The following MTCL1 variants were observed in gnomAD, a reference collection of about 807,000 sequenced individuals.
MTCL1 encodes the protein microtubule cross-linking factor 1.
In MTCL1, 79 loss-of-function variants were observed where a neutral mutation model predicts 141.4. The ratio of observed to expected loss-of-function variants is 0.56; its 90% confidence interval spans 0.47 to 0.67. The LOEUF (loss-of-function observed/expected upper bound fraction) is 0.67. Among genes scored for constraint, MTCL1 ranks in the 30% least tolerant of loss-of-function variants. MTCL1 has a pLI of 0.00. For synonymous variants in MTCL1, 914 were observed against 875.8 expected, an observed-to-expected ratio of 1.04 and a Z score of -0.77; for missense variants, 2,177 against 2,113.9, an observed-to-expected ratio of 1.03 and a Z score of -0.59.
At chr18:8,751,923 C>T (rs2096373714) in intron 4 of MTCL1, among the ~76,000 whole-genome samples, 1 of 152,182 alleles carries the variant, frequency 6.6e-6, no homozygotes, top group Non-Finnish European at 1.5e-5. Flanking sequence ...CGTTTAAGGC[C>T]AAGCTGCTGC....
exon 6 of MTCL1, chr18:8,784,020 C>T (rs529045761): frequency 2.1e-5 from 34 of 1,613,554 alleles, no homozygotes; most frequent in Non-Finnish European, 2.9e-5. Context: ...CGGCAACTGA[C>T]CCACGAGCTC....
At chr18:8,775,590 A>T (rs548813018) in intron 4 of MTCL1, among the ~76,000 whole-genome samples, 1 of 152,126 alleles carries the variant, frequency 6.6e-6, no homozygotes, top group South Asian at 2.1e-4. Flanking sequence ...AACAAAACAA[A>T]AGAAACTTCT....
chr18:8,718,207 CT>C (rs1304997699), intron 2 of MTCL1, among the ~76,000 whole-genome samples: 3 of 152,092 alleles, frequency 2.0e-5, no homozygotes, highest in Non-Finnish European at 2.9e-5. Flanking sequence ...AGTTTTTTAG[CT>C]TCTGGTTACA....
chr18:8,728,250 C>A (rs537951855), intron 4 of MTCL1, among the ~76,000 whole-genome samples: 1 of 152,208 alleles, frequency 6.6e-6, no homozygotes, highest in East Asian at 1.9e-4. Flanking sequence ...TTGAGTGTTA[C>A]TTCTCTGAGT....
chr18:8,797,668 A>G (rs757436165), intron 9 of MTCL1, among the ~76,000 whole-genome samples: 1 of 152,232 alleles, frequency 6.6e-6, no homozygotes, highest in Non-Finnish European at 1.5e-5. Flanking sequence ...AAATACAGTG[A>G]TTCTCTTTCC....
chr18:8,815,138 T>G (rs991153403), intron 12 of MTCL1, among the ~76,000 whole-genome samples: 1 of 152,156 alleles, frequency 6.6e-6, no homozygotes, highest in East Asian at 1.9e-4. Context: ...ACCGAAAGGA[T>G]TATAAATCAT....
intron 4 of MTCL1, among the ~76,000 whole-genome samples, chr18:8,726,975 C>T (rs1161118337): frequency 6.6e-6 from 1 of 152,056 alleles, no homozygotes; most frequent in Non-Finnish European, 1.5e-5. Flanking sequence ...TAAGGACTCC[C>T]CAGTGTCTAT....
intron 4 of MTCL1, among the ~76,000 whole-genome samples, chr18:8,760,840 T>G (rs891143649): frequency 1.3e-5 from 2 of 152,220 alleles, no homozygotes; most frequent in Admixed American, 6.5e-5. Context: ...TCTAGTATTT[T>G]CTGGTACATT....
Position 8,821,083 on chromosome 18 carries a change from ACTCT to A in MTCL1, c.3157-370_3157-367del, listed in dbSNP as rs143749385. ...TTTCTCTCTAACATAACACATGCAC[ACTCT>A]CTCTCTCTCTCTCAGTCTCACTCTC... is the stretch of plus-strand genomic sequence containing the variant. On this transcript the variant is annotated intron_variant, in intron 13 of 16. Transcript: ENST00000359865. Among the ~76,000 whole-genome samples the A allele has an allele frequency of 3.4e-5, 5 of 149,132 alleles. No homozygotes were observed. The East Asian group carries it at 5.9e-4, about 18-fold the overall frequency.
rs76011614 is a variant in MTCL1, at chr18:8,793,656, G to A, written c.2010+536G>A. On this transcript the variant is annotated intron_variant, in intron 8 of 16. Transcript: ENST00000359865. The stretch of plus-strand genomic sequence containing the variant: ...AAGGGATTTGCAGATGTGGGCACTC[G>A]TCGCCCTGGACATCCATGAGAACAG... Among the ~76,000 whole-genome samples the A allele has an allele frequency of 3.3e-3, 499 of 152,226 alleles. 2 individuals are homozygous for A. The highest frequency in any genetic ancestry group is 0.012 in the African/African-American group (482 of 41,550).
rs897308879 is a variant in MTCL1, at chr18:8,809,365, A to G, written c.2604+2305A>G. The stretch of plus-strand genomic sequence containing the variant: ...GTTATAAACATAGGCAACAAGCCCA[A>G]CAGAAATCACGGATCTTTTTGAAAG... On this transcript the variant is annotated intron_variant, in intron 11 of 16. Coordinates refer to ENST00000359865, the Ensembl canonical transcript of MTCL1. The G allele has an allele frequency of 1.3e-5, 20 of 1,491,222 alleles. No individual in the cohort carries two copies. The East Asian group carries it at 4.5e-4, about 33-fold the overall frequency. The allele number at this position is 1,491,222 out of a possible 1,614,324, so 92.4% of individuals were successfully genotyped here. A position where few individuals can be genotyped will look rare whatever the true frequency, so the allele number is the denominator to read the frequency against.
chr18:8,832,443 T>C (rs1040961052), exon 17 of MTCL1: 77 of 153,776 alleles, frequency 5.0e-4, no homozygotes, highest in African/African-American at 1.8e-3. Context: ...CCTTATATTA[T>C]CCTACTTGGC....
exon 6 of MTCL1, chr18:8,783,875 C>T (rs1380979173): frequency 6.2e-7 from 1 of 1,613,154 alleles, no homozygotes; most frequent in African/African-American, 1.3e-5. Context: ...GGGTCGGGAC[C>T]ACGCACCCAG....
intron 4 of MTCL1, among the ~76,000 whole-genome samples, chr18:8,744,984 C>T (rs116558036): frequency 0.011 from 1,684 of 152,306 alleles, 32 homozygotes; most frequent in African/African-American, 0.034. Context: ...CTTCTGTGGT[C>T]TCCACAAATC....
In MTCL1 at chr18:8,825,937, G is replaced by A. The variant is rs137897581; in HGVS notation, c.4427G>A (p.Arg1476Gln). The change falls in exon 15 of 17, where the codon CGA becomes CAA. Residue 1476 changes from arginine to glutamine, a missense_variant. Physicochemically the swap from Arg to Gln is conservative, Grantham distance 43 (BLOSUM62 1). Coordinates refer to ENST00000359865, the Ensembl canonical transcript of MTCL1. ...AGTCGGTCTCGCTCAGCAGAGCCCC[G>A]ACCAGAGCTGGGCCCAGGCCAGGAA... 2.0e-4 allele frequency: 328 copies of A among 1,604,696 alleles called. No homozygotes were observed. Among genetic ancestry groups the A allele is most frequent in the African/African-American group, 8.7e-4 (65 of 74,892 alleles).
chr18:8,831,435 C>G, intron 16 of MTCL1, 172 bp from the exon 15 acceptor site: 1 of 1,426,174 alleles, frequency 7.0e-7, no homozygotes, highest in Non-Finnish European at 9.2e-7. Context: ...GTGTTGAATT[C>G]TTTATTATTT....
upstream of MTCL1, chr18:8,705,610 C>CGCCGCCGCCGCCGCT (rs1198431544): frequency 1.5e-5 from 18 of 1,206,466 alleles, no homozygotes; most frequent in African/African-American, 1.7e-5. The surrounding 1 kb of genome is among the most constrained non-coding windows in gnomAD (Gnocchi z 5.2). Context: ...CCGCCGCCGC[C>CGCCGCCGCCGCCGCT]GTCGTCGTCC....
At chr18:8,803,750 A>G (rs896782565) in intron 10 of MTCL1, among the ~76,000 whole-genome samples, 4 of 152,224 alleles carry the variant, frequency 2.6e-5, no homozygotes, top group Non-Finnish European at 5.9e-5. Flanking sequence ...TGAATAGAGC[A>G]CTGTTTTGAT....
rs368659793 is a variant in MTCL1, at chr18:8,822,277, GGGTTGGTTGGTT to G, written c.3188+797_3188+808del. Among the ~76,000 whole-genome samples, 255 of 152,072 alleles carry G rather than the reference GGGTTGGTTGGTT, an allele frequency of 1.7e-3. 1 individual carries two copies. In the South Asian group the frequency reaches 0.018, roughly 11 times the overall value. On this transcript the variant is annotated intron_variant, in intron 14 of 16. Transcript: ENST00000359865. The surrounding 1 kb of genome is among the most constrained non-coding windows in gnomAD (Gnocchi z 4.6). The stretch of plus-strand genomic sequence containing the variant: ...CTCAGGCTCTAGAGCCAAACTGCCT[GGGTTGGTTGGTT>G]GGTTGGTTGGTTGGTTGATTTTTGA...
Sources: gnomAD v4.1 joint callset for allele counts (sites outside exome capture counted in the v4.1 genomes callset) on GRCh38, gnomAD v4.1.1 for gene constraint, Gnocchi (gnomAD v3.1) non-coding constraint, MANE v1.5 for transcripts, NCBI Gene and HGNC (gene_info 2026-07-23, HGNC 2026-07-21) for gene names.